The following POU2F3 variants were observed in gnomAD, a reference collection of about 807,000 sequenced individuals.
POU2F3 encodes POU class 2 homeobox 3.
POU2F3 carries 23 observed loss-of-function variants against 59.2 expected under a neutral mutation model. The observed-to-expected ratio is 0.39, with a 90% CI of 0.28 to 0.55. POU2F3 has a LOEUF of 0.55. Ranked by LOEUF, POU2F3 falls within the 20% of genes least tolerant of loss-of-function variation. POU2F3 has a pLI of 0.66. For synonymous variants in POU2F3, 190 were observed against 214.6 expected, an observed-to-expected ratio of 0.89 and a Z score of 1.00; for missense variants, 473 against 544.5, an observed-to-expected ratio of 0.87 and a Z score of 1.31.
rs1940932791 is a variant in POU2F3 at position 120,289,183 on chromosome 11, C to G, written c.133-9082C>G. ...GGCTTAGGGACCTTCAGATTTTTTT[C>G]TGTGCTAGTTCTGGTCCTGGAAGCA... On this transcript the variant is annotated intron_variant, in intron 3 of 12. Coordinates refer to ENST00000543440, the MANE Select transcript of POU2F3 (RefSeq NM_014352.4). Among the ~76,000 whole-genome samples the G allele has an allele frequency of 2.0e-5, 3 of 152,266 alleles. No homozygotes were observed. In the South Asian group the frequency reaches 6.2e-4, roughly 32 times the overall value.
At chr11:120,286,055 G>GA (rs1555076412) in intron 3 of POU2F3, among the ~76,000 whole-genome samples, 1 of 150,574 alleles carries the variant, frequency 6.6e-6, no homozygotes, top group African/African-American at 2.4e-5. Flanking sequence ...GCTCATTTTT[G>GA]TTTTTTTTTA....
At chr11:120,269,352 T>C in intron 3 of POU2F3, 108 bp downstream of exon 3, 1 of 945,418 alleles carries the variant, frequency 1.1e-6, no homozygotes, top group Non-Finnish European at 1.6e-6. Flanking sequence ...GGGTGTTTAT[T>C]CACAAACCCC....
intron 10 of POU2F3, among the ~76,000 whole-genome samples, chr11:120,313,766 C>T (rs1406473399): frequency 6.6e-6 from 1 of 152,198 alleles, no homozygotes; most frequent in African/African-American, 2.4e-5. Flanking sequence ...GTAATCCCAG[C>T]AATTTGGGAG....
At chr11:120,243,363 G>A (rs943110746) in intron 1 of POU2F3, among the ~76,000 whole-genome samples, 1 of 152,074 alleles carries the variant, frequency 6.6e-6, no homozygotes, top group Non-Finnish European at 1.5e-5. Context: ...CCTGCAGCCT[G>A]TGGGGAGTGC....
intron 1 of POU2F3, among the ~76,000 whole-genome samples, chr11:120,241,772 TTGTC>T (rs1938674507): frequency 6.6e-6 from 1 of 152,126 alleles, no homozygotes; most frequent in East Asian, 1.9e-4. Context: ...TTCCACCTCC[TTGTC>T]TACTGGAGGC....
intron 3 of POU2F3, among the ~76,000 whole-genome samples, chr11:120,290,217 A>G (rs550908299): frequency 3.0e-4 from 46 of 152,312 alleles, no homozygotes; most frequent in Admixed American, 1.6e-3. Context: ...CATTTATCCA[A>G]TGCCCTTCAG....
chr11:120,246,938 A>T (rs1938902781), intron 2 of POU2F3, among the ~76,000 whole-genome samples: 1 of 152,104 alleles, frequency 6.6e-6, no homozygotes, highest in South Asian at 2.1e-4. Context: ...CTTCCAAATA[A>T]CGTGCATGTG....
intron 2 of POU2F3, among the ~76,000 whole-genome samples, chr11:120,263,248 C>T (rs1939682362): frequency 6.6e-6 from 1 of 152,134 alleles, no homozygotes; most frequent in African/African-American, 2.4e-5. Context: ...CCCTGGCATC[C>T]CAAAGTGCTG....
chr11:120,251,961 A>C (rs549428095), intron 2 of POU2F3, among the ~76,000 whole-genome samples: 1 of 151,480 alleles, frequency 6.6e-6, no homozygotes, highest in Admixed American at 6.6e-5. Flanking sequence ...CACCCAGCTA[A>C]TTTTTTGTAT....
At chr11:120,272,063 C>A (rs529581085) in intron 3 of POU2F3, among the ~76,000 whole-genome samples, 2 of 152,274 alleles carry the variant, frequency 1.3e-5, no homozygotes, top group African/African-American at 4.8e-5. Flanking sequence ...TCTCACACTT[C>A]ACAGCAAGGG....
At chr11:120,294,663 A>C (rs2135271113) in intron 3 of POU2F3, among the ~76,000 whole-genome samples, 1 of 152,280 alleles carries the variant, frequency 6.6e-6, no homozygotes, top group African/African-American at 2.4e-5. Flanking sequence ...TTTATTTCTT[A>C]ATTTCTTCAT....
In POU2F3 at chr11:120,270,054, G is replaced by A. The variant is rs369397794; in HGVS notation, c.132+810G>A. Among the ~76,000 whole-genome samples, 7 of 152,024 alleles carry A rather than the reference G, an allele frequency of 4.6e-5. No homozygotes were observed. The East Asian group carries it at 7.7e-4, about 17-fold the overall frequency. Reference sequence around the variant, plus strand: ...ATGGGGAGTCCTAGAGTGAGGGAGAGGGGTAAGAATTAAACACAAACTTAG... The same window carrying A: ...ATGGGGAGTCCTAGAGTGAGGGAGAAGGGTAAGAATTAAACACAAACTTAG... On this transcript the variant is annotated intron_variant, in intron 3 of 12. Coordinates refer to ENST00000543440, the MANE Select transcript of POU2F3 (RefSeq NM_014352.4).
At chr11:120,317,998 G>A (rs1299957378) in intron 12 of POU2F3, among the ~76,000 whole-genome samples, 2 of 152,142 alleles carry the variant, frequency 1.3e-5, no homozygotes, top group South Asian at 2.1e-4. Context: ...AAATCCAGGC[G>A]GTTCAGCAAG....
chr11:120,298,478 AG>A (rs959867356), intron 4 of POU2F3, 88 bp downstream of exon 4: 9 of 1,553,506 alleles, frequency 5.8e-6, no homozygotes, highest in Non-Finnish European at 7.9e-6. Flanking sequence ...ACTCGTCTAA[AG>A]AACCCCCTGC....
rs117244047 is a variant in POU2F3 at position 120,289,718 on chromosome 11, C to T, written c.133-8547C>T. Among the ~76,000 whole-genome samples the T allele has an allele frequency of 2.5e-3, 387 of 152,322 alleles. 3 individuals are homozygous for T. In the East Asian group the frequency reaches 0.029, roughly 11 times the overall value. The stretch of plus-strand genomic sequence containing the variant: ...GGATGGCTTTCTTTGCTTTTGCTGC[C>T]TGGCAAACTTTTCTTCATCCTTCAG... On this transcript the variant is annotated intron_variant, in intron 3 of 12. Coordinates refer to ENST00000543440, the MANE Select transcript of POU2F3 (RefSeq NM_014352.4).
chr11:120,241,238 A>G (rs1340360165), intron 1 of POU2F3, among the ~76,000 whole-genome samples: 1 of 152,034 alleles, frequency 6.6e-6, no homozygotes, highest in African/African-American at 2.4e-5. Flanking sequence ...CTAGCAACTT[A>G]CTCTCAAAGT....
intron 2 of POU2F3, among the ~76,000 whole-genome samples, chr11:120,267,033 AT>A (rs75070567): frequency 6.6e-6 from 1 of 151,904 alleles, no homozygotes; most frequent in African/African-American, 2.4e-5. Context: ...TCACAAAGGG[AT>A]TTTTTTTAAG....
Position 120,300,339 on chromosome 11 carries a change from A to C in POU2F3, c.361+613A>C, listed in dbSNP as rs7120063. Among the ~76,000 whole-genome samples, 1,054 of 152,246 alleles carry C rather than the reference A, an allele frequency of 6.9e-3. 11 individuals are homozygous for C. The highest frequency in any genetic ancestry group is 0.024 in the African/African-American group (997 of 41,552). ...TGACATTCCTCAAAATAACCTTGTA[A>C]AGTAGGTAGTTCTATTATGCCTCTG... On this transcript the variant is annotated intron_variant, in intron 5 of 12. Transcript: ENST00000543440.
intron 2 of POU2F3, among the ~76,000 whole-genome samples, chr11:120,252,566 G>A (rs987863585): frequency 1.3e-5 from 2 of 152,106 alleles, no homozygotes; most frequent in Non-Finnish European, 2.9e-5. Context: ...TCTGTGACAG[G>A]GAAATTAGTA....
Sources: gnomAD v4.1 joint callset for allele counts (sites outside exome capture counted in the v4.1 genomes callset) on GRCh38, gnomAD v4.1.1 for gene constraint, MANE v1.5 for transcripts, NCBI Gene and HGNC (gene_info 2026-07-23, HGNC 2026-07-21) for gene names.